HDAC9: variants seen among roughly 807,000 people sequenced by gnomAD.
HDAC9 encodes the protein histone deacetylase 9.
Under a neutral mutation model 139.4 loss-of-function variants are expected in HDAC9, and 41 were observed. That is an observed-to-expected ratio of 0.29 (90% CI 0.23 to 0.38). The LOEUF (loss-of-function observed/expected upper bound fraction) is 0.38. Ranked by LOEUF, HDAC9 falls within the 10% of genes least tolerant of loss-of-function variation. The pLI is 1.00. For missense variants in HDAC9, 1,147 were observed against 1,297.0 expected (o/e 0.88, Z 1.78); for synonymous variants, 517 against 476.2 (o/e 1.09, Z -1.12).
intron 11 of HDAC9, among the ~76,000 whole-genome samples, chr7:18,659,642 G>A (rs1792499390): frequency 6.6e-6 from 1 of 152,110 alleles, no homozygotes; most frequent in African/African-American, 2.4e-5. Flanking sequence ...GAGACAGCCT[G>A]ACAGATGAGT....
chr7:18,735,252 C>T (rs990006892), intron 13 of HDAC9, among the ~76,000 whole-genome samples: 3 of 152,108 alleles, frequency 2.0e-5, no homozygotes, highest in Admixed American at 6.6e-5. Context: ...AGATCCCATT[C>T]GTCTATTTTG....
At chr7:18,510,694 G>T (rs1035520114) in intron 2 of HDAC9, among the ~76,000 whole-genome samples, 5 of 152,066 alleles carry the variant, frequency 3.3e-5, no homozygotes, top group African/African-American at 9.7e-5. Flanking sequence ...AATGCCAAGG[G>T]TATCAGTAAT....
intron 1 of HDAC9, among the ~76,000 whole-genome samples, chr7:18,463,112 A>G (rs1012700916): frequency 1.3e-5 from 2 of 151,938 alleles, no homozygotes; most frequent in Admixed American, 1.3e-4. Context: ...CCTATAACTG[A>G]AATAAATTGA....
At chr7:18,157,837 G>T (rs1787329084) in intron 1 of HDAC9, among the ~76,000 whole-genome samples, 1 of 151,400 alleles carries the variant, frequency 6.6e-6, no homozygotes, top group African/African-American at 2.4e-5. Context: ...GAGAGAGAGA[G>T]AGAGAGAGAG....
At chr7:18,372,654 GAC>G (rs1349576154) in intron 1 of HDAC9, among the ~76,000 whole-genome samples, 6 of 152,180 alleles carry the variant, frequency 3.9e-5, no homozygotes, top group Non-Finnish European at 8.8e-5. Context: ...AGAACATCAC[GAC>G]AGTGTCCCTA....
chr7:18,893,051 A>AG (rs1563029425), intron 22 of HDAC9, among the ~76,000 whole-genome samples: 2 of 144,754 alleles, frequency 1.4e-5, no homozygotes, highest in African/African-American at 5.4e-5. Context: ...AAAAAAAAAA[A>AG]AAAGAAAAGA....
intron 17 of HDAC9, among the ~76,000 whole-genome samples, chr7:18,827,895 C>G (rs1386091879): frequency 6.6e-6 from 1 of 152,044 alleles, no homozygotes; most frequent in Non-Finnish European, 1.5e-5. Flanking sequence ...TCTCTATTAT[C>G]TTGTGTTGTT....
intron 12 of HDAC9, among the ~76,000 whole-genome samples, chr7:18,704,335 A>G (rs1443202390): frequency 1.3e-5 from 2 of 152,222 alleles, no homozygotes; most frequent in African/African-American, 4.8e-5. Flanking sequence ...TTGCTTAGGA[A>G]TATTAGAAGT....
intron 24 of HDAC9, among the ~76,000 whole-genome samples, chr7:18,973,064 G>A (rs1784347484): frequency 6.6e-6 from 1 of 152,206 alleles, no homozygotes. Flanking sequence ...TAAAATTAGT[G>A]CTGAGTAAGG....
rs1014903538 is a variant in HDAC9 at position 18,973,909 on chromosome 7, C to T, written c.3023-1897C>T. On this transcript the variant is annotated intron_variant, in intron 24 of 25. Coordinates refer to ENST00000686413, the MANE Select transcript of HDAC9 (RefSeq NM_178425.4). ...TCACCCATAATCTCTCCAAAGGGATCTTTTAAAAACATAAGCCTGATTCTA... is the reference window on the plus strand; with the variant it reads ...TCACCCATAATCTCTCCAAAGGGATTTTTTAAAAACATAAGCCTGATTCTA... 2.0e-5 allele frequency among the ~76,000 whole-genome samples: 3 copies of T among 152,146 alleles called. No homozygotes were observed. The East Asian group carries it at 5.8e-4, about 29-fold the overall frequency.
rs530376812 is a variant in HDAC9, at chr7:18,193,648, T to C, written c.25+31299T>C. ...TGCAATATAAAGCTCACCTATAATA[T>C]TTTCTCTATATTTGCTCTCATAACA... On this transcript the variant is annotated intron_variant, in intron 2 of 12. Coordinates refer to the HDAC9 transcript ENST00000417496. Among the ~76,000 whole-genome samples the C allele has an allele frequency of 7.9e-5, 12 of 152,314 alleles. No individual in the cohort carries two copies. The South Asian group carries it at 1.5e-3, about 18-fold the overall frequency.
At chr7:18,480,279 C>T (rs1795452238) in intron 1 of HDAC9, among the ~76,000 whole-genome samples, 1 of 152,108 alleles carries the variant, frequency 6.6e-6, no homozygotes, top group Non-Finnish European at 1.5e-5. Flanking sequence ...TAACATGCCC[C>T]AGATTATGAA....
chr7:18,695,345 T>G (rs1782967794), intron 12 of HDAC9, among the ~76,000 whole-genome samples: 1 of 152,208 alleles, frequency 6.6e-6, no homozygotes, highest in Middle Eastern at 3.2e-3. Flanking sequence ...GGGAATGTTG[T>G]GTTTCCCTAT....
intron 24 of HDAC9, among the ~76,000 whole-genome samples, chr7:18,960,358 A>G (rs1783446891): frequency 6.6e-6 from 1 of 151,992 alleles, no homozygotes; most frequent in Non-Finnish European, 1.5e-5. Context: ...TGAGTGAGTG[A>G]TGTCTTGCTT....
In HDAC9 at chr7:18,246,345, T is replaced by C. The variant is rs191164131; in HGVS notation, c.25+83996T>C. Among the ~76,000 whole-genome samples the C allele has an allele frequency of 1.7e-3, 251 of 151,756 alleles. 3 individuals are homozygous for C. The highest frequency in any genetic ancestry group is 5.9e-3 in the African/African-American group (244 of 41,354). On this transcript the variant is annotated intron_variant, in intron 2 of 12. Coordinates refer to the HDAC9 transcript ENST00000417496. Reference sequence around the variant, plus strand: ...AAAGGTTGGAAGTCTGCTTGGCATTTTTACTTTAGTAAAATACACATAACA... The same window carrying C: ...AAAGGTTGGAAGTCTGCTTGGCATTCTTACTTTAGTAAAATACACATAACA...
At chr7:18,810,071 C>A (rs768371115) in intron 17 of HDAC9, among the ~76,000 whole-genome samples, 16 of 151,870 alleles carry the variant, frequency 1.1e-4, no homozygotes, top group Non-Finnish European at 2.1e-4. Context: ...TTTTCAACAA[C>A]GTGGATGTTC....
intron 21 of HDAC9, among the ~76,000 whole-genome samples, chr7:18,852,309 G>C (rs1797359039): frequency 6.6e-6 from 1 of 152,156 alleles, no homozygotes; most frequent in African/African-American, 2.4e-5. Flanking sequence ...ATAAGGGAAA[G>C]GACTCTTAAT....
intron 12 of HDAC9, among the ~76,000 whole-genome samples, chr7:18,675,789 C>G (rs932760879): frequency 6.6e-6 from 1 of 151,980 alleles, no homozygotes; most frequent in African/African-American, 2.4e-5. Context: ...AGCTGCAGCC[C>G]TTTCATGACT....
intron 12 of HDAC9, among the ~76,000 whole-genome samples, chr7:18,714,036 A>C (rs1387241931): frequency 6.6e-6 from 1 of 152,172 alleles, no homozygotes; most frequent in African/African-American, 2.4e-5. Flanking sequence ...TTTGCAGATA[A>C]ACCACTTATT....
Sources: allele counts gnomAD v4.1 joint callset (sites outside exome capture counted in the v4.1 genomes callset), GRCh38; gene constraint gnomAD v4.1.1; transcripts MANE v1.5; gene names NCBI Gene and HGNC (gene_info 2026-07-23, HGNC 2026-07-21).